The following SPEN variants were observed in gnomAD, a reference collection of about 807,000 sequenced individuals.
SPEN encodes the protein msx2-interacting protein.
Under a neutral mutation model 269.9 loss-of-function variants are expected in SPEN, and 18 were observed. The observed-to-expected ratio is 0.07, with a 90% CI of 0.05 to 0.10. The LOEUF (loss-of-function observed/expected upper bound fraction) is 0.10, where lower values mean the gene tolerates loss of function less well. Ranked by LOEUF, SPEN falls within the 10% of genes least tolerant of loss-of-function variation. The pLI is 1.00. For synonymous variants in SPEN, 1,726 were observed against 1,765.7 expected (o/e 0.98, Z 0.56); for missense variants, 3,822 against 4,631.2 (o/e 0.83, Z 5.07).
At chr1:15,900,570 T>A (rs374028329) in intron 3 of SPEN, among the ~76,000 whole-genome samples, 1 of 152,208 alleles carries the variant, frequency 6.6e-6, no homozygotes. Flanking sequence ...CCAGAGTGTT[T>A]TAGATCTCAG....
chr1:15,935,433 C>T lies in SPEN; in HGVS notation c.9193C>T (p.Pro3065Ser), dbSNP rs749602687. The change falls in exon 11 of 15, where the codon CCC becomes TCC. Residue 3065 changes from proline (P) to serine (S), a missense_variant. This residue lies in a region of SPEN where 153 missense variants were observed against 228.5 expected (regional missense o/e 0.67). Transcript: ENST00000375759. This position sits in a 1 kb window ranked among gnomAD's most constrained non-coding sequence, Gnocchi z 7.7. Reference sequence around the variant, plus strand: ...CATGCTGGCTGCAGGCATCCCAGTGCCCCAGTTCATCTCCAGCATCCACCC... The same window carrying T: ...CATGCTGGCTGCAGGCATCCCAGTGTCCCAGTTCATCTCCAGCATCCACCC... The part of the protein sequence containing the change: ...TVMLAAGIPV[P>S]QFISSIHPEQ... The T allele has an allele frequency of 6.2e-7, 1 of 1,614,130 alleles. No homozygotes were observed. Among genetic ancestry groups the T allele is most frequent in the Admixed American group, 1.7e-5 (1 of 60,018 alleles).
At chr1:15,863,107 G>A (rs564425653) in intron 1 of SPEN, among the ~76,000 whole-genome samples, 190 of 152,172 alleles carry the variant, frequency 1.2e-3, no homozygotes, top group East Asian at 5.8e-4. Flanking sequence ...AAAGGTAGTT[G>A]GGCATGGTGG....
At chr1:15,921,127 ACCAG>A (rs1415945062) in intron 9 of SPEN, 144 bp downstream of exon 9, 1 of 414,298 alleles carries the variant, frequency 2.4e-6, no homozygotes, top group East Asian at 4.0e-5. Flanking sequence ...GGAGTTCGAG[ACCAG>A]CCTGATGAAC....
chr1:15,895,234 AT>A (rs1162034372), intron 3 of SPEN, among the ~76,000 whole-genome samples: 1 of 152,014 alleles, frequency 6.6e-6, no homozygotes, highest in Non-Finnish European at 1.5e-5. Context: ...CATTTTAACC[AT>A]TTTTAAGTGT....
chr1:15,859,597 C>T (rs1235491847), intron 1 of SPEN, among the ~76,000 whole-genome samples: 1 of 151,852 alleles, frequency 6.6e-6, no homozygotes, highest in African/African-American at 2.4e-5. Context: ...TCTCTATCTC[C>T]TGACCTTGTG....
At chr1:15,864,065 C>T (rs2070473098) in intron 1 of SPEN, among the ~76,000 whole-genome samples, 1 of 151,982 alleles carries the variant, frequency 6.6e-6, no homozygotes, top group Non-Finnish European at 1.5e-5. Context: ...GTGAAATAAG[C>T]CAGTTAACAA....
rs779271032 is a variant in SPEN at position 15,934,630 on chromosome 1, C to T, written c.8390C>T (p.Pro2797Leu). 1.1e-5 allele frequency: 17 copies of T among 1,613,778 alleles called. No individual in the cohort carries two copies. Among genetic ancestry groups the T allele is most frequent in the East Asian group, 4.5e-5 (2 of 44,878 alleles). ...TCCATGCCTGTGATCGACGATCGTC[C>T]GGCAGACGCGGGCTCAGGGGCGGGG... Reference protein sequence around the residue: ...PGSMPVIDDRPADAGSGAGLR... With the variant: ...PGSMPVIDDRLADAGSGAGLR... The change falls in exon 11 of 15, where the codon CCG becomes CTG. Residue 2797 changes from proline (P) to leucine (L), a missense_variant. By Grantham distance (98) the Pro-to-Leu change is moderately conservative. This residue lies in a region of SPEN where 329 missense variants were observed against 431.2 expected (regional missense o/e 0.76). Transcript: ENST00000375759. This position sits in a 1 kb window ranked among gnomAD's most constrained non-coding sequence, Gnocchi z 9.2.
intron 3 of SPEN, among the ~76,000 whole-genome samples, chr1:15,907,299 T>C (rs891527738): frequency 6.6e-6 from 1 of 152,010 alleles, no homozygotes; most frequent in Non-Finnish European, 1.5e-5. Context: ...CTGGGCAACA[T>C]GGTGAAACCC....
chr1:15,897,788 T>C (rs1485967987), intron 3 of SPEN, among the ~76,000 whole-genome samples: 1 of 152,210 alleles, frequency 6.6e-6, no homozygotes, highest in Non-Finnish European at 1.5e-5. Context: ...CTTGAGCCAC[T>C]GCACCTGGCC....
chr1:15,884,053 G>C (rs1299822083), intron 3 of SPEN, among the ~76,000 whole-genome samples: 1 of 152,002 alleles, frequency 6.6e-6, no homozygotes, highest in South Asian at 2.1e-4. Context: ...CTTGTGATCT[G>C]CCCGCTTTGG....
In SPEN at chr1:15,929,215, A is replaced by G. The variant is rs756479101; in HGVS notation, c.2975A>G (p.Asn992Ser). The G allele has an allele frequency of 4.6e-5, 75 of 1,614,090 alleles. No individual in the cohort carries two copies. Among genetic ancestry groups the G allele is most frequent in the Non-Finnish European group, 5.9e-5 (70 of 1,180,038 alleles). ...AGGAAAAGGCGCTTTGCAGATTCCA[A>G]TTTAAAAGCAGAAAAGCAAAAACCA... is the stretch of plus-strand genomic sequence containing the variant. The part of the protein sequence containing the change: ...EARKRRFADS[N>S]LKAEKQKPEV... Residue 992 changes from asparagine (N) to serine (S), a missense_variant, in exon 11 of 15, where the codon AAT becomes AGT. Coordinates refer to ENST00000375759, the MANE Select transcript of SPEN (RefSeq NM_015001.3). This position sits in a 1 kb window ranked among gnomAD's most constrained non-coding sequence, Gnocchi z 5.8.
intron 2 of SPEN, chr1:15,874,046 C>T (rs2070607875): frequency 1.6e-6 from 2 of 1,260,838 alleles, no homozygotes; most frequent in South Asian, 2.8e-5. Context: ...CTTCCTCATT[C>T]GTTGGAATTG....
chr1:15,883,372 C>G lies in SPEN; in HGVS notation c.881+6694C>G, dbSNP rs576497323. Among the ~76,000 whole-genome samples, 11 of 152,244 alleles carry G rather than the reference C, an allele frequency of 7.2e-5. No individual in the cohort carries two copies. In the East Asian group the frequency reaches 1.9e-3, roughly 27 times the overall value. ...TCTGCCATGTTAAGATATGGAAAGT[C>G]TTATGTCTCTCTCTTCTCCAGTGTG... On this transcript the variant is annotated intron_variant, in intron 3 of 14. Transcript: ENST00000375759.
intron 6 of SPEN, 95 bp from the exon 7 acceptor site, chr1:15,918,831 G>C (rs967896562): frequency 5.2e-5 from 53 of 1,022,920 alleles, no homozygotes; most frequent in Non-Finnish European, 7.2e-5. Flanking sequence ...TTGAGAACAT[G>C]ACTTTTTTGA....
Position 15,929,256 on chromosome 1 carries a change from A to G in SPEN, c.3016A>G (p.Ser1006Gly). ...GCAAAAACCAGAGGTCAAGAAAAGCAGTCCAGAGATGGAGGATGCTCGCGT... is the reference window on the plus strand; with the variant it reads ...GCAAAAACCAGAGGTCAAGAAAAGCGGTCCAGAGATGGAGGATGCTCGCGT... ...EKQKPEVKKS[S>G]PEMEDARVLS... Residue 1006 changes from serine (S) to glycine (G), a missense_variant, in exon 11 of 15, where the codon AGT (serine) becomes GGT (glycine). Around this residue, in one of 16 missense-constraint regions of SPEN, gnomAD observed 572 missense variants for 582.6 expected, o/e 0.98. Transcript: ENST00000375759. This position sits in a 1 kb window ranked among gnomAD's most constrained non-coding sequence, Gnocchi z 5.8. 1 of 1,614,222 alleles carries G rather than the reference A, an allele frequency of 6.2e-7. No homozygotes were observed. The highest frequency in any genetic ancestry group is 8.5e-7 in the Non-Finnish European group (1 of 1,180,042).
chr1:15,871,771 G>C (rs2070577949), intron 1 of SPEN, among the ~76,000 whole-genome samples: 1 of 152,114 alleles, frequency 6.6e-6, no homozygotes, highest in African/African-American at 2.4e-5. Context: ...GAGTACTTCA[G>C]TTTTCCAGTA....
chr1:15,874,179 A>G, intron 2 of SPEN: 1 of 1,366,548 alleles, frequency 7.3e-7, no homozygotes, highest in Non-Finnish European at 9.8e-7. Flanking sequence ...TTTGAGAGTT[A>G]CAGTTTGTCT....
rs774975508 is a variant in SPEN at position 15,930,125 on chromosome 1, C to T, written c.3885C>T (p.Leu1295=). ...CTCCTAAAGTAGATGAAAAAGTCCTCCCCTATTCTAACATAACAGTCAGGG... is the reference window on the plus strand; with the variant it reads ...CTCCTAAAGTAGATGAAAAAGTCCTTCCCTATTCTAACATAACAGTCAGGG... ...KGSPKVDEKV[L]PYSNITVREE... The change falls in exon 11 of 15, where the codon CTC becomes CTT. Residue 1295 remains leucine, a synonymous_variant. Coordinates refer to ENST00000375759, the MANE Select transcript of SPEN (RefSeq NM_015001.3). This position sits in a 1 kb window ranked among gnomAD's most constrained non-coding sequence, Gnocchi z 5.3. 12 of 1,614,186 alleles carry T rather than the reference C, an allele frequency of 7.4e-6. No individual in the cohort carries two copies. In the South Asian group the frequency reaches 1.2e-4, roughly 16 times the overall value.
At chr1:15,908,746 G>C (rs1184647741) in intron 3 of SPEN, among the ~76,000 whole-genome samples, 1 of 152,046 alleles carries the variant, frequency 6.6e-6, no homozygotes, top group African/African-American at 2.4e-5. Flanking sequence ...TGTGATATAG[G>C]TACTATTATA....
Sources: gnomAD v4.1 joint callset for allele counts (sites outside exome capture counted in the v4.1 genomes callset) on GRCh38, gnomAD v4.1.1 for gene constraint, gnomAD v4.1.1 regional missense constraint, Gnocchi (gnomAD v3.1) non-coding constraint, MANE v1.5 for transcripts, NCBI Gene and HGNC (gene_info 2026-07-23, HGNC 2026-07-21) for gene names.